Variants in ROBO1 observed in about 807,000 individuals in gnomAD.
ROBO1 encodes the protein roundabout guidance receptor 1, also known as roundabout homolog 1.
Under a neutral mutation model 195.9 loss-of-function variants are expected in ROBO1, and 149 were observed. The ratio of observed to expected loss-of-function variants is 0.76; its 90% CI spans 0.67 to 0.87. The LOEUF is 0.87. Ranked by LOEUF, ROBO1 falls within the 40% of genes least tolerant of loss-of-function variation. The pLI is 0.00. For synonymous variants in ROBO1, 816 were observed against 733.2 expected (o/e 1.11, Z -1.82); for missense variants, 1,933 against 2,068.3 (o/e 0.93, Z 1.27).
At chr3:79,633,741 A>G (rs1945415409) in intron 1 of ROBO1, among the ~76,000 whole-genome samples, 1 of 151,944 alleles carries the variant, frequency 6.6e-6, no homozygotes, top group African/African-American at 2.4e-5. Flanking sequence ...AAAAAACACA[A>G]GAAAAAATAA....
At chr3:79,282,517 A>T (rs962333491) in intron 2 of ROBO1, among the ~76,000 whole-genome samples, 5 of 152,230 alleles carry the variant, frequency 3.3e-5, no homozygotes, top group African/African-American at 1.2e-4. Context: ...ATAGCAAATG[A>T]ATTTGTAAAA....
At chr3:79,455,950 C>T (rs562398518) in intron 2 of ROBO1, among the ~76,000 whole-genome samples, 73 of 152,214 alleles carry the variant, frequency 4.8e-4, no homozygotes, top group African/African-American at 1.7e-3. Context: ...AGTAGCTCTA[C>T]ATTTACCTTT....
At chr3:79,228,028 C>A (rs2082257995) in intron 2 of ROBO1, among the ~76,000 whole-genome samples, 1 of 151,990 alleles carries the variant, frequency 6.6e-6, no homozygotes, top group Non-Finnish European at 1.5e-5. Flanking sequence ...CTTAGAATAT[C>A]TAGTAAGATT....
At position 79,055,904 on chromosome 3, in the gene ROBO1, A is replaced by G. The variant is rs183315587; in HGVS notation, c.172+69552T>C. Among the ~76,000 whole-genome samples the G allele has an allele frequency of 1.6e-4, 25 of 152,186 alleles. No individual in the cohort carries two copies. In the East Asian group the frequency reaches 4.3e-3, roughly 26 times the overall value. On this transcript the variant is annotated intron_variant, in intron 3 of 30. Coordinates refer to ENST00000464233, the MANE Select transcript of ROBO1 (RefSeq NM_002941.4). The stretch of plus-strand genomic sequence containing the variant: ...AGGAAAAACTGGAGGTTTTCACTCA[A>G]TTAGTTTCTGAACAGTTACAACTTG...
chr3:79,194,347 C>T (rs767303507), intron 2 of ROBO1, among the ~76,000 whole-genome samples: 3 of 151,610 alleles, frequency 2.0e-5, no homozygotes, highest in Non-Finnish European at 3.0e-5. Flanking sequence ...TCAGCTTACA[C>T]GGAGATGTCA....
intron 1 of ROBO1, among the ~76,000 whole-genome samples, chr3:79,672,112 CTG>C (rs1479943988): frequency 6.6e-6 from 1 of 151,948 alleles, no homozygotes. Flanking sequence ...ACCGTTCACC[CTG>C]TGAGTTCATA....
intron 1 of ROBO1, among the ~76,000 whole-genome samples, chr3:79,649,251 T>C (rs1286048615): frequency 6.6e-6 from 1 of 151,906 alleles, no homozygotes; most frequent in Non-Finnish European, 1.5e-5. Context: ...AAGGTAGAAG[T>C]AAACAAAAAA....
intron 2 of ROBO1, among the ~76,000 whole-genome samples, chr3:79,570,170 A>G (rs1403596045): frequency 6.6e-6 from 1 of 152,074 alleles, no homozygotes; most frequent in Non-Finnish European, 1.5e-5. Flanking sequence ...TAGACTTAGT[A>G]TTTAAATAGG....
chr3:78,936,810 C>T (rs964869391), intron 4 of ROBO1, among the ~76,000 whole-genome samples: 33 of 151,954 alleles, frequency 2.2e-4, no homozygotes, highest in Middle Eastern at 3.4e-3. Flanking sequence ...ATAAATAGGT[C>T]GAACATTTAA....
At chr3:79,535,211 C>T (rs1402899591) in intron 2 of ROBO1, among the ~76,000 whole-genome samples, 2 of 152,084 alleles carry the variant, frequency 1.3e-5, no homozygotes, top group East Asian at 3.9e-4. Flanking sequence ...GAATCTAATT[C>T]GTATCCATTT....
chr3:79,692,203 T>C (rs148568960), intron 1 of ROBO1, among the ~76,000 whole-genome samples: 1 of 151,966 alleles, frequency 6.6e-6, no homozygotes, highest in African/African-American at 2.4e-5. Flanking sequence ...AACTATACTT[T>C]TAGAACAAAT....
intron 5 of ROBO1, among the ~76,000 whole-genome samples, chr3:78,722,794 G>A (rs2082074232): frequency 6.6e-6 from 1 of 152,054 alleles, no homozygotes; most frequent in Admixed American, 6.6e-5. Context: ...TTATATATGT[G>A]TAACTTTAGC....
intron 2 of ROBO1, among the ~76,000 whole-genome samples, chr3:79,168,910 A>T (rs2081118237): frequency 6.6e-6 from 1 of 152,168 alleles, no homozygotes; most frequent in Non-Finnish European, 1.5e-5. Flanking sequence ...GAAAATCCTA[A>T]ATGAGAAAGT....
chr3:78,949,540 C>A (rs1657583834), intron 3 of ROBO1, among the ~76,000 whole-genome samples: 1 of 152,122 alleles, frequency 6.6e-6, no homozygotes, highest in Non-Finnish European at 1.5e-5. Flanking sequence ...AAATGTTAGA[C>A]CTAAAACCAT....
intron 2 of ROBO1, among the ~76,000 whole-genome samples, chr3:79,267,938 G>A (rs2030139088): frequency 6.6e-6 from 1 of 151,574 alleles, no homozygotes; most frequent in Non-Finnish European, 1.5e-5. Flanking sequence ...GTCATTTAGA[G>A]ATTTAAGCAA....
At chr3:78,976,556 G>A (rs1478401537) in intron 3 of ROBO1, among the ~76,000 whole-genome samples, 1 of 152,032 alleles carries the variant, frequency 6.6e-6, no homozygotes, top group Non-Finnish European at 1.5e-5. Flanking sequence ...TTACCTTTAT[G>A]GTACCCCACA....
At chr3:79,340,651 C>T (rs1225304008) in intron 2 of ROBO1, among the ~76,000 whole-genome samples, 2 of 152,076 alleles carry the variant, frequency 1.3e-5, no homozygotes, top group African/African-American at 4.8e-5. Flanking sequence ...TACCTTGGTA[C>T]CACCCTTTAC....
chr3:79,035,451 G>T (rs1174371549), intron 3 of ROBO1, among the ~76,000 whole-genome samples: 1 of 152,140 alleles, frequency 6.6e-6, no homozygotes, highest in Non-Finnish European at 1.5e-5. Context: ...TGGGTGAGGT[G>T]GCTCATGCCT....
intron 2 of ROBO1, among the ~76,000 whole-genome samples, chr3:79,283,673 A>G (rs928971013): frequency 1.3e-5 from 2 of 151,974 alleles, no homozygotes; most frequent in African/African-American, 2.4e-5. Context: ...ATGGATATCA[A>G]TGAGAGTCCA....
Sources: gnomAD v4.1 joint callset for allele counts (sites outside exome capture counted in the v4.1 genomes callset) on GRCh38, gnomAD v4.1.1 for gene constraint, MANE v1.5 for transcripts, NCBI Gene and HGNC (gene_info 2026-07-23, HGNC 2026-07-21) for gene names.